The following DNAJC13 variants were observed in gnomAD, a reference collection of about 807,000 sequenced individuals.
The protein encoded by DNAJC13 is dnaJ homolog subfamily C member 13.
DNAJC13 carries 75 observed loss-of-function variants against 290.5 expected under a neutral mutation model. That is an observed-to-expected ratio of 0.26 (90% CI 0.21 to 0.31). DNAJC13 has a LOEUF of 0.31. DNAJC13 is among the 10% of genes least tolerant of loss of function. The pLI is 1.00. For missense variants in DNAJC13, 2,260 were observed against 2,674.5 expected (o/e 0.85, Z 3.42); for synonymous variants, 862 against 892.0 (o/e 0.97, Z 0.60).
chr3:132,455,696 A>T (rs752766069), intron 9 of DNAJC13, among the ~76,000 whole-genome samples: 2 of 152,240 alleles, frequency 1.3e-5, no homozygotes, highest in East Asian at 3.8e-4. Context: ...ATGAATCTCA[A>T]AAGCCTATGT....
chr3:132,494,492 A>G (rs952959394), intron 34 of DNAJC13, among the ~76,000 whole-genome samples: 2 of 152,126 alleles, frequency 1.3e-5, no homozygotes, highest in Admixed American at 1.3e-4. Context: ...TATTAATTGG[A>G]AAAATGTATG....
In DNAJC13 at chr3:132,456,574, A is replaced by T. The variant is rs375803422; in HGVS notation, c.1173A>T (p.Thr391=). 4.8e-5 allele frequency: 77 copies of T among 1,613,934 alleles called. No homozygotes were observed. The Middle Eastern group carries it at 1.2e-3, about 24-fold the overall frequency. The change falls in exon 11 of 56, where the codon ACA becomes ACT. Residue 391 remains threonine, a synonymous_variant. Coordinates refer to ENST00000260818, the MANE Select transcript of DNAJC13 (RefSeq NM_015268.4). Reference sequence around the variant, plus strand: ...ACAGTGGAGTCCTACATGCAGTAACACAAGATGTAAGCTAAGTTTTATCAT... The same window carrying T: ...ACAGTGGAGTCCTACATGCAGTAACTCAAGATGTAAGCTAAGTTTTATCAT... ...ISYSGVLHAV[T]QDGLFSENKE...
intron 33 of DNAJC13, among the ~76,000 whole-genome samples, chr3:132,492,852 GACAAA>G (rs918004327): frequency 1.3e-5 from 2 of 151,768 alleles, no homozygotes; most frequent in Non-Finnish European, 2.9e-5. Context: ...TTGTGGCAAA[GACAAA>G]ACAAATTTCA....
chr3:132,490,490 T>C (rs941302296), intron 31 of DNAJC13, among the ~76,000 whole-genome samples: 6 of 152,218 alleles, frequency 3.9e-5, no homozygotes, highest in African/African-American at 1.4e-4. Flanking sequence ...TCTGAACTTA[T>C]TTTTGAAAAC....
At chr3:132,424,336 A>C (rs911157733) in intron 1 of DNAJC13, among the ~76,000 whole-genome samples, 1 of 152,158 alleles carries the variant, frequency 6.6e-6, no homozygotes, top group Non-Finnish European at 1.5e-5. Context: ...ATGAGCATAC[A>C]TGTGATAGAA....
At chr3:132,525,293 T>A (rs911514899) in intron 51 of DNAJC13, among the ~76,000 whole-genome samples, 1 of 152,086 alleles carries the variant, frequency 6.6e-6, no homozygotes, top group African/African-American at 2.4e-5. Context: ...TGAGCCGAGA[T>A]CGCGCCATTG....
At chr3:132,527,498 G>A (rs2107749989) in intron 53 of DNAJC13, among the ~76,000 whole-genome samples, 2 of 152,288 alleles carry the variant, frequency 1.3e-5, no homozygotes, top group East Asian at 3.9e-4. Context: ...AGTTTGATGT[G>A]TAGGAAAGAA....
At position 132,484,230 on chromosome 3, in the gene DNAJC13, T is replaced by C. The variant is rs138298974; in HGVS notation, c.3183-358T>C. The stretch of plus-strand genomic sequence containing the variant: ...AGCTATACTTGGAAAATACCAAACA[T>C]AGTTAAATCAAGGTTTAAATTTATG... On this transcript the variant is annotated intron_variant, in intron 28 of 55. Transcript: ENST00000260818. 274 of 307,074 alleles carry C rather than the reference T, an allele frequency of 8.9e-4. 2 individuals carry two copies. Among genetic ancestry groups the C allele is most frequent in the African/African-American group, 5.7e-3 (255 of 45,022 alleles). 19.0% of individuals were successfully genotyped at this position (307,074 alleles called of 1,614,324 possible).
At chr3:132,433,727 C>T (rs1448385438) in intron 1 of DNAJC13, among the ~76,000 whole-genome samples, 1 of 152,184 alleles carries the variant, frequency 6.6e-6, no homozygotes, top group Admixed American at 6.5e-5. Flanking sequence ...TGTGCCATGG[C>T]ATTATTTGGC....
intron 55 of DNAJC13, among the ~76,000 whole-genome samples, chr3:132,535,031 C>G (rs900475528): frequency 9.2e-5 from 14 of 152,326 alleles, no homozygotes; most frequent in Admixed American, 7.8e-4. Context: ...TCAGAAGATA[C>G]AGATTGTACC....
chr3:132,436,445 T>C (rs1939387459), intron 2 of DNAJC13, among the ~76,000 whole-genome samples: 1 of 152,242 alleles, frequency 6.6e-6, no homozygotes, highest in Non-Finnish European at 1.5e-5. Context: ...GTTTATCCAT[T>C]CATCAACTGA....
At chr3:132,528,428 T>G (rs766876181) in intron 54 of DNAJC13, 96 bp downstream of exon 54, 11 of 1,419,182 alleles carry the variant, frequency 7.8e-6, no homozygotes, top group African/African-American at 1.4e-5. Flanking sequence ...CTTACAGATA[T>G]GGTTCTGTTG....
At chr3:132,435,630 AT>A (rs1055908674) in intron 2 of DNAJC13, among the ~76,000 whole-genome samples, 5 of 151,932 alleles carry the variant, frequency 3.3e-5, no homozygotes, top group African/African-American at 4.8e-5. Context: ...CTTGTCTCTC[AT>A]TTTTTTTCCC....
chr3:132,511,395 T>C (rs1935776286), intron 44 of DNAJC13, 151 bp downstream of exon 44: 3 of 971,544 alleles, frequency 3.1e-6, no homozygotes, highest in Non-Finnish European at 4.4e-6. Flanking sequence ...CTGTAATAGT[T>C]TTACAATAAA....
Position 132,460,240 on chromosome 3 carries a change from T to A in DNAJC13, c.1450-10T>A, listed in dbSNP as rs770886695. Reference sequence around the variant, plus strand: ...ATGAATTATCACTGTTTTTTTTTTTTCATCAATAGCCCATGCATGATGACT... The same window carrying A: ...ATGAATTATCACTGTTTTTTTTTTTACATCAATAGCCCATGCATGATGACT... On this transcript the variant is annotated splice_polypyrimidine_tract_variant and intron_variant, in intron 13 of 55. Coordinates refer to ENST00000260818, the MANE Select transcript of DNAJC13 (RefSeq NM_015268.4). The A allele has an allele frequency of 6.4e-6, 10 of 1,552,732 alleles. No homozygotes were observed. The highest frequency in any genetic ancestry group is 8.8e-6 in the Non-Finnish European group (10 of 1,141,792).
intron 1 of DNAJC13, among the ~76,000 whole-genome samples, chr3:132,430,241 A>G (rs1004078744): frequency 3.3e-5 from 5 of 152,122 alleles, no homozygotes; most frequent in Non-Finnish European, 1.5e-5. Flanking sequence ...TCATGTCCCA[A>G]AAGGTCTGTT....
intron 1 of DNAJC13, among the ~76,000 whole-genome samples, chr3:132,433,268 A>G (rs566551742): frequency 3.3e-5 from 5 of 152,178 alleles, no homozygotes; most frequent in Non-Finnish European, 7.3e-5. Flanking sequence ...ATCTCACTCT[A>G]TCACTCAGGC....
intron 2 of DNAJC13, among the ~76,000 whole-genome samples, chr3:132,436,812 G>T (rs894798264): frequency 1.3e-5 from 2 of 150,562 alleles, no homozygotes; most frequent in African/African-American, 4.9e-5. Flanking sequence ...GGTCATTTGT[G>T]TATCTTCTTT....
intron 55 of DNAJC13, among the ~76,000 whole-genome samples, chr3:132,537,650 T>A (rs1158467360): frequency 6.6e-6 from 1 of 152,258 alleles, no homozygotes; most frequent in African/African-American, 2.4e-5. Flanking sequence ...CAGATGGATG[T>A]CCAGAGCCTT....
Sources: gnomAD v4.1 joint callset for allele counts (sites outside exome capture counted in the v4.1 genomes callset) on GRCh38, gnomAD v4.1.1 for gene constraint, MANE v1.5 for transcripts, NCBI Gene and HGNC (gene_info 2026-07-23, HGNC 2026-07-21) for gene names.